TRIO: variants seen among roughly 807,000 people sequenced by gnomAD.
The protein encoded by TRIO is trio Rho guanine nucleotide exchange factor, also known as triple functional domain protein.
Under a neutral mutation model 351.9 loss-of-function variants are expected in TRIO, and 58 were observed. The observed-to-expected ratio is 0.16, with a 90% CI of 0.13 to 0.21. TRIO has a LOEUF of 0.21. Among genes scored for constraint, TRIO ranks in the 10% least tolerant of loss-of-function variants. The pLI, the probability that TRIO is intolerant of heterozygous loss-of-function variation, is 1.00. For missense variants in TRIO, 3,201 were observed against 4,027.8 expected, an observed-to-expected ratio of 0.79 and a Z score of 5.56; for synonymous variants, 1,758 against 1,595.7, an observed-to-expected ratio of 1.10 and a Z score of -2.42.
At chr5:14,301,444 C>T (rs890976961) in intron 7 of TRIO, among the ~76,000 whole-genome samples, 3 of 152,054 alleles carry the variant, frequency 2.0e-5, no homozygotes, top group African/African-American at 4.8e-5. Flanking sequence ...GCATCAGATA[C>T]TAAGACAGCT....
chr5:14,430,927 G>A (rs1017666629), intron 34 of TRIO, among the ~76,000 whole-genome samples: 10 of 152,080 alleles, frequency 6.6e-5, no homozygotes, highest in Admixed American at 2.6e-4. Context: ...GGCCAGGCGG[G>A]TCTTGAACTC....
intron 37 of TRIO, among the ~76,000 whole-genome samples, chr5:14,469,138 G>A (rs932653599): frequency 6.6e-6 from 1 of 152,150 alleles, no homozygotes; most frequent in Admixed American, 6.5e-5. Flanking sequence ...AACTCAAGAT[G>A]TTAGAAAAAC....
intron 13 of TRIO, among the ~76,000 whole-genome samples, chr5:14,362,559 ACATT>A (rs1744243519): frequency 6.6e-6 from 1 of 152,214 alleles, no homozygotes; most frequent in African/African-American, 2.4e-5. Context: ...ACCAGATCCC[ACATT>A]CAGTGTTTGT....
In TRIO at chr5:14,433,598, A is replaced by G. The variant is rs538286064; in HGVS notation, c.5203+13577A>G. 3.9e-5 allele frequency among the ~76,000 whole-genome samples: 6 copies of G among 152,258 alleles called. 1 individual carries two copies. In the South Asian group the frequency reaches 1.2e-3, roughly 32 times the overall value. ...AGAATTACTACTTTAAAAAAATGGT[A>G]TGACATTTCAGGGGCCCAGCATCCT... On this transcript the variant is annotated intron_variant, in intron 34 of 56. Transcript: ENST00000344204.
Position 14,363,789 on chromosome 5 carries a change from G to C in TRIO, c.2449G>C (p.Asp817His), listed in dbSNP as rs146974332. 6.2e-6 allele frequency: 10 copies of C among 1,614,128 alleles called. No homozygotes were observed. In the East Asian group the frequency reaches 6.7e-5, roughly 11 times the overall value. The change falls in exon 14 of 57, where the codon GAC (aspartate) becomes CAC (histidine). Residue 817 changes from aspartate (D) to histidine (H), a missense_variant. Physicochemically the swap from Asp to His is moderately conservative, Grantham distance 81 (BLOSUM62 -1). Around this residue, in one of 19 missense-constraint regions of TRIO, gnomAD observed 363 missense variants for 553.5 expected, o/e 0.66. Coordinates refer to ENST00000344204, the MANE Select transcript of TRIO (RefSeq NM_007118.4). ...DELSQQMNDF[D>H]TEDLTIAEQR... is the part of the protein sequence containing the mutation. Reference sequence around the variant, plus strand: ...GCTTTCTCAGCAAATGAATGACTTCGACACAGAAGATCTCACGATTGCAGA... The same window carrying C: ...GCTTTCTCAGCAAATGAATGACTTCCACACAGAAGATCTCACGATTGCAGA...
At chr5:14,295,573 C>T (rs1414170051) in intron 6 of TRIO, among the ~76,000 whole-genome samples, 1 of 152,230 alleles carries the variant, frequency 6.6e-6, no homozygotes, top group Non-Finnish European at 1.5e-5. Context: ...CAGATCCTAA[C>T]AGAGTGCATC....
intron 1 of TRIO, among the ~76,000 whole-genome samples, chr5:14,220,071 A>G (rs1697175): frequency 6.8e-6 from 1 of 147,924 alleles, no homozygotes; most frequent in African/African-American, 2.5e-5. Context: ...TTTTAAAAAC[A>G]AATTGAAGGT....
At chr5:14,441,761 A>G (rs1395851809) in intron 34 of TRIO, among the ~76,000 whole-genome samples, 2 of 152,224 alleles carry the variant, frequency 1.3e-5, no homozygotes, top group Admixed American at 6.5e-5. Context: ...TTTTCAGACT[A>G]GAGAAAACAA....
At chr5:14,229,425 T>C (rs780811945) in intron 1 of TRIO, among the ~76,000 whole-genome samples, 1 of 152,226 alleles carries the variant, frequency 6.6e-6, no homozygotes, top group Non-Finnish European at 1.5e-5. Context: ...CCTGCAGTAC[T>C]GTTGTAAGGC....
intron 1 of TRIO, among the ~76,000 whole-genome samples, chr5:14,256,678 A>G (rs1240907329): frequency 3.3e-5 from 5 of 152,236 alleles, no homozygotes; most frequent in African/African-American, 9.6e-5. Context: ...TTGTTTTACC[A>G]TAAAGTGAGT....
chr5:14,373,273 A>T (rs16903426), intron 18 of TRIO, among the ~76,000 whole-genome samples: 1 of 152,204 alleles, frequency 6.6e-6, no homozygotes, highest in Non-Finnish European at 1.5e-5. Flanking sequence ...ATTTCACACG[A>T]ATCAGTAGAG....
chr5:14,329,833 C>T (rs1489970006), intron 9 of TRIO, among the ~76,000 whole-genome samples: 1 of 152,202 alleles, frequency 6.6e-6, no homozygotes, highest in Non-Finnish European at 1.5e-5. Flanking sequence ...TCAGTGTCTG[C>T]ATGATCGCCC....
chr5:14,175,333 C>A (rs1421511287), intron 1 of TRIO, among the ~76,000 whole-genome samples: 1 of 152,116 alleles, frequency 6.6e-6, no homozygotes, highest in African/African-American at 2.4e-5. Context: ...TTCTAAAAGG[C>A]GTTTTCTAAT....
intron 33 of TRIO, 65 bp downstream of exon 33, chr5:14,406,737 C>T: frequency 6.7e-7 from 1 of 1,500,430 alleles, no homozygotes; most frequent in Non-Finnish European, 9.3e-7. Context: ...AAAGCAGCCC[C>T]CTCCTTTCTG....
At chr5:14,223,967 A>C (rs1792817485) in intron 1 of TRIO, among the ~76,000 whole-genome samples, 1 of 152,230 alleles carries the variant, frequency 6.6e-6, no homozygotes, top group South Asian at 2.1e-4. Flanking sequence ...TCCAGGAAGT[A>C]CATAGTTAGA....
chr5:14,264,885 G>GT (rs1392469735), intron 1 of TRIO, among the ~76,000 whole-genome samples: 4 of 152,316 alleles, frequency 2.6e-5, no homozygotes, highest in South Asian at 4.1e-4. Context: ...TCTTCTCTTT[G>GT]TGTGCAGGCG....
chr5:14,163,061 A>G (rs1489936459), intron 1 of TRIO, among the ~76,000 whole-genome samples: 1 of 152,158 alleles, frequency 6.6e-6, no homozygotes, highest in Non-Finnish European at 1.5e-5. Flanking sequence ...GGTTTGTTAC[A>G]TAGGTATACA....
intron 13 of TRIO, among the ~76,000 whole-genome samples, chr5:14,360,162 A>C (rs765810904): frequency 9.2e-5 from 14 of 152,178 alleles, no homozygotes; most frequent in African/African-American, 3.4e-4. Flanking sequence ...TCCCCCCACA[A>C]AGAGGTGTTC....
At position 14,444,049 on chromosome 5, in the gene TRIO, G is replaced by A. The variant is rs138794665; in HGVS notation, c.5204-16970G>A. On this transcript the variant is annotated intron_variant, in intron 34 of 56. Transcript: ENST00000344204. ...CAGACTCTTACACAAAGTGAACTGT[G>A]TGCTTTATAATTCTTGAATTCTCTT... is the stretch of plus-strand genomic sequence containing the variant. Among the ~76,000 whole-genome samples the A allele has an allele frequency of 5.5e-3, 834 of 150,754 alleles. 8 individuals carry two copies. Among genetic ancestry groups the A allele is most frequent in the African/African-American group, 0.019 (781 of 40,950 alleles).
Sources: allele counts gnomAD v4.1 joint callset (sites outside exome capture counted in the v4.1 genomes callset), GRCh38; gene constraint gnomAD v4.1.1; regional missense constraint gnomAD v4.1.1; transcripts MANE v1.5; gene names NCBI Gene and HGNC (gene_info 2026-07-23, HGNC 2026-07-21).